Variants in DNAH11 observed in about 807,000 individuals in gnomAD.
The protein encoded by DNAH11 is axonemal beta dynein heavy chain 11.
In DNAH11, 442 loss-of-function variants were observed where a neutral mutation model predicts 526.0. The observed-to-expected ratio is 0.84, with a 90% CI of 0.78 to 0.91. DNAH11 has a LOEUF of 0.91. Among genes scored for constraint, DNAH11 ranks in the 40% least tolerant of loss-of-function variants. The probability of loss-of-function intolerance (pLI) is 0.00; values close to 1 mark genes in which losing one functional copy is unlikely to be tolerated. For missense variants in DNAH11, 6,989 were observed against 5,448.7 expected, an observed-to-expected ratio of 1.28 and a Z score of -8.90; for synonymous variants, 2,461 against 1,935.9, an observed-to-expected ratio of 1.27 and a Z score of -7.12.
chr7:21,753,201 G>A (rs1372143046), intron 54 of DNAH11, among the ~76,000 whole-genome samples: 1 of 152,114 alleles, frequency 6.6e-6, no homozygotes, highest in African/African-American at 2.4e-5. Context: ...ACAGGTGGGT[G>A]CAGTATGTTC....
rs908792916 is a variant in DNAH11 at position 21,616,241 on chromosome 7, G to A, written c.4044G>A (p.Trp1348Ter). Reference protein sequence around the residue: ...RSIDNWTKTQWRQIHVEQMDV... With the variant: ...RSIDNWTKTQ ...TTGATAATTGGACTAAAACCCAGTGGAGACAGATTCATGTGGAACAGATGG... is the reference window on the plus strand; with the variant it reads ...TTGATAATTGGACTAAAACCCAGTGAAGACAGATTCATGTGGAACAGATGG... Residue 1348 changes from tryptophan to a stop codon, truncating the protein, a stop_gained, in exon 22 of 82, where the codon TGG becomes TGA. Transcript: ENST00000409508. LOFTEE classifies it high-confidence loss of function. 1 of 1,613,632 alleles carries A rather than the reference G, an allele frequency of 6.2e-7. No homozygotes were observed. Among genetic ancestry groups the A allele is most frequent in the Non-Finnish European group, 8.5e-7 (1 of 1,179,708 alleles).
At chr7:21,753,727 C>A (rs189692218) in intron 54 of DNAH11, among the ~76,000 whole-genome samples, 178 of 152,212 alleles carry the variant, frequency 1.2e-3, no homozygotes, top group African/African-American at 4.2e-3. Context: ...ATTAGTAAAG[C>A]TTTATCATTT....
chr7:21,741,190 T>C (rs927798738), intron 48 of DNAH11, among the ~76,000 whole-genome samples: 8 of 152,354 alleles, frequency 5.3e-5, no homozygotes, highest in Admixed American at 3.9e-4. Context: ...ATGAGAATCA[T>C]AGGGTGTGTA....
At chr7:21,856,200 G>A (rs1207068059) in intron 68 of DNAH11, among the ~76,000 whole-genome samples, 8 of 152,092 alleles carry the variant, frequency 5.3e-5, no homozygotes, top group Non-Finnish European at 5.9e-5. Flanking sequence ...ATTATAATCT[G>A]TGTGCAACAA....
chr7:21,821,362 C>G (rs1357002992), intron 65 of DNAH11, among the ~76,000 whole-genome samples: 3 of 152,034 alleles, frequency 2.0e-5, no homozygotes, highest in Non-Finnish European at 4.4e-5. Flanking sequence ...ATCTATCTGG[C>G]GAAGCAGTTA....
chr7:21,802,423 C>T (rs969060353), intron 62 of DNAH11, among the ~76,000 whole-genome samples: 1 of 152,028 alleles, frequency 6.6e-6, no homozygotes. Context: ...TTCCTCAAAA[C>T]GTTAAACATA....
At chr7:21,613,953 T>TTTA (rs202086411) in intron 20 of DNAH11, among the ~76,000 whole-genome samples, 3,773 of 149,608 alleles carry the variant, frequency 0.025, 111 homozygotes, top group South Asian at 0.08. Context: ...TTTTTTGCAC[T>TTTA]TTTAATAGAG....
chr7:21,546,849 T>C (rs1246859070), intron 2 of DNAH11, among the ~76,000 whole-genome samples: 1 of 152,226 alleles, frequency 6.6e-6, no homozygotes. Context: ...GGCCTGGGCT[T>C]CTGTATTTTA....
chr7:21,557,944 GTAA>G (rs902844426), intron 2 of DNAH11, among the ~76,000 whole-genome samples: 43 of 152,226 alleles, frequency 2.8e-4, no homozygotes, highest in Admixed American at 9.8e-4. Context: ...GTAGGAAAAG[GTAA>G]TAATAATATT....
chr7:21,826,809 C>A (rs943034375), intron 65 of DNAH11, among the ~76,000 whole-genome samples: 2 of 152,206 alleles, frequency 1.3e-5, no homozygotes, highest in Non-Finnish European at 2.9e-5. Context: ...AAACTCACAT[C>A]CCTCAGAAAG....
At chr7:21,637,572 G>A (rs1287872435) in intron 26 of DNAH11, 39 bp from the exon 27 acceptor site, 1 of 1,250,778 alleles carries the variant, frequency 8.0e-7, no homozygotes, top group Non-Finnish European at 1.1e-6. Context: ...AGAAAAGATT[G>A]TTCTAATATC....
intron 51 of DNAH11, 36 bp downstream of exon 51, chr7:21,745,099 G>T: frequency 6.4e-7 from 1 of 1,569,714 alleles, no homozygotes; most frequent in Non-Finnish European, 8.7e-7. Context: ...TCCACAAAAG[G>T]AAGAATGGCT....
At chr7:21,811,291 C>T (rs369075489) in intron 63 of DNAH11, among the ~76,000 whole-genome samples, 2 of 151,254 alleles carry the variant, frequency 1.3e-5, no homozygotes, top group South Asian at 2.1e-4. Flanking sequence ...GGTGAAACCC[C>T]CCCCCCTACT....
chr7:21,711,583 G>C (rs990345578), intron 41 of DNAH11, 129 bp from the exon 42 acceptor site: 4 of 1,317,498 alleles, frequency 3.0e-6, no homozygotes, highest in Non-Finnish European at 4.0e-6. Context: ...TCTTTATTCA[G>C]ACTGCACTTC....
chr7:21,855,733 T>C (rs1041059066), intron 68 of DNAH11, among the ~76,000 whole-genome samples: 2 of 152,202 alleles, frequency 1.3e-5, no homozygotes, highest in African/African-American at 4.8e-5. Context: ...GACAAATGTT[T>C]ATTATGATCA....
intron 14 of DNAH11, among the ~76,000 whole-genome samples, chr7:21,598,982 T>G (rs1784968853): frequency 6.6e-6 from 1 of 152,242 alleles, no homozygotes. Context: ...TTATCCAGTG[T>G]ATCATTGATA....
At chr7:21,613,466 C>A (rs1785624294) in intron 20 of DNAH11, among the ~76,000 whole-genome samples, 1 of 152,074 alleles carries the variant, frequency 6.6e-6, no homozygotes, top group African/African-American at 2.4e-5. Context: ...CATAATAAAA[C>A]ATTTTAAAAC....
intron 74 of DNAH11, among the ~76,000 whole-genome samples, chr7:21,874,990 C>A (rs145245436): frequency 6.6e-6 from 1 of 152,134 alleles, no homozygotes; most frequent in African/African-American, 2.4e-5. Context: ...TTTCTCGTAA[C>A]TTTTGGGTCA....
chr7:21,570,535 G>A, intron 7 of DNAH11: 2 of 367,036 alleles, frequency 5.4e-6, no homozygotes, highest in Non-Finnish European at 4.8e-6. Flanking sequence ...TTGAGTATAA[G>A]TAAATCTCTT....
Sources: gnomAD v4.1 joint callset for allele counts (sites outside exome capture counted in the v4.1 genomes callset) on GRCh38, gnomAD v4.1.1 for gene constraint, MANE v1.5 for transcripts, NCBI Gene and HGNC (gene_info 2026-07-23, HGNC 2026-07-21) for gene names.